KCNU1: variants seen among roughly 807,000 people sequenced by gnomAD.
KCNU1 encodes the protein potassium channel subfamily U member 1.
In KCNU1, 93 loss-of-function variants were observed where a neutral mutation model predicts 126.8. That is an observed-to-expected ratio of 0.73 (90% CI 0.62 to 0.87). The LOEUF (loss-of-function observed/expected upper bound fraction) is 0.87. Ranked by LOEUF, KCNU1 falls within the 40% of genes least tolerant of loss-of-function variation. The pLI, the probability that KCNU1 is intolerant of heterozygous loss-of-function variation, is 0.00. For missense variants in KCNU1, 1,330 were observed against 1,367.1 expected, an observed-to-expected ratio of 0.97 and a Z score of 0.43; for synonymous variants, 523 against 494.2, an observed-to-expected ratio of 1.06 and a Z score of -0.77.
At chr8:36,847,423 G>A (rs374984190) in intron 18 of KCNU1, among the ~76,000 whole-genome samples, 1 of 152,182 alleles carries the variant, frequency 6.6e-6, no homozygotes, top group Non-Finnish European at 1.5e-5. Flanking sequence ...TATATTTAAC[G>A]ATGAAGGACA....
At chr8:36,805,368 A>G (rs1803459798) in intron 4 of KCNU1, 83 bp downstream of exon 4, 1 of 827,134 alleles carries the variant, frequency 1.2e-6, no homozygotes. Context: ...TCAGTCCTAC[A>G]ATCTGCCCGA....
intron 19 of KCNU1, among the ~76,000 whole-genome samples, chr8:36,894,406 T>G (rs1159665154): frequency 1.3e-5 from 2 of 152,152 alleles, no homozygotes; most frequent in African/African-American, 4.8e-5. Context: ...AGTCATTTAC[T>G]AATGGTGAAT....
At chr8:36,807,860 C>T (rs1021243242) in intron 6 of KCNU1, among the ~76,000 whole-genome samples, 1 of 151,986 alleles carries the variant, frequency 6.6e-6, no homozygotes, top group Non-Finnish European at 1.5e-5. Context: ...TAAGACAATT[C>T]CTCGAAGCAT....
chr8:36,799,328 C>CTG (rs1021526585), intron 2 of KCNU1, among the ~76,000 whole-genome samples: 2 of 151,540 alleles, frequency 1.3e-5, no homozygotes, highest in Non-Finnish European at 1.5e-5. Context: ...CATGATATGG[C>CTG]TGTGTGTGTG....
chr8:36,893,385 T>G, intron 19 of KCNU1, among the ~76,000 whole-genome samples: 1 of 151,978 alleles, frequency 6.6e-6, no homozygotes. Context: ...TTAAAAAAAT[T>G]ACTGCTGATT....
chr8:36,851,884 A>C (rs1805362509), intron 18 of KCNU1, among the ~76,000 whole-genome samples: 1 of 152,050 alleles, frequency 6.6e-6, no homozygotes, highest in South Asian at 2.1e-4. Context: ...TTCTTGCCTA[A>C]TTATTGTGGC....
Position 36,918,879 on chromosome 8 carries a change from C to G in KCNU1, c.2578C>G (p.Pro860Ala), listed in dbSNP as rs753553633. ...HNEKSNCRKV[P>A]ILTELKNPSN... The stretch of plus-strand genomic sequence containing the variant: ...TGAGAAATCAAACTGCCGAAAAGTC[C>G]CTATCCTTACTGAACTGAGTAAGTG... The change falls in exon 23 of 27, where the codon CCT becomes GCT. Residue 860 changes from proline to alanine, a missense_variant. Pro to Ala is a conservative substitution (Grantham distance 27). Coordinates refer to ENST00000399881, the MANE Select transcript of KCNU1 (RefSeq NM_001031836.3). 6.2e-7 allele frequency: 1 copy of G among 1,605,220 alleles called. No homozygotes were observed. The highest frequency in any genetic ancestry group is 2.2e-5 in the East Asian group (1 of 44,814).
At chr8:36,800,767 G>T (rs771011959) in intron 2 of KCNU1, among the ~76,000 whole-genome samples, 7 of 152,242 alleles carry the variant, frequency 4.6e-5, no homozygotes, top group Non-Finnish European at 1.0e-4. Context: ...CCTGGCATCA[G>T]AAAGTAGTCA....
chr8:36,820,621 A>G (rs1472125932), intron 10 of KCNU1, among the ~76,000 whole-genome samples: 1 of 152,152 alleles, frequency 6.6e-6, no homozygotes, highest in Non-Finnish European at 1.5e-5. Flanking sequence ...TCAGAAAAAA[A>G]AAAAAAGAAA....
intron 22 of KCNU1, among the ~76,000 whole-genome samples, chr8:36,914,667 T>C (rs889301172): frequency 2.0e-5 from 3 of 152,132 alleles, no homozygotes; most frequent in Admixed American, 6.5e-5. Flanking sequence ...CTCCTGGACA[T>C]CTCCATGGGA....
At chr8:36,875,874 C>T (rs1375368565) in intron 19 of KCNU1, among the ~76,000 whole-genome samples, 3 of 151,990 alleles carry the variant, frequency 2.0e-5, no homozygotes, top group Admixed American at 6.6e-5. Flanking sequence ...TCTAAAAATC[C>T]CTGGTTTCAG....
rs151208454 is a variant in KCNU1 at position 36,830,272 on chromosome 8, A to G, written c.1107-3282A>G. Reference sequence around the variant, plus strand: ...ATAACGTTGAAAAAGAGCAGTGATGATATCTTTTCTTTACTTCTCATTTTT... The same window carrying G: ...ATAACGTTGAAAAAGAGCAGTGATGGTATCTTTTCTTTACTTCTCATTTTT... On this transcript the variant is annotated intron_variant, in intron 10 of 26. Coordinates refer to ENST00000399881, the MANE Select transcript of KCNU1 (RefSeq NM_001031836.3). Among the ~76,000 whole-genome samples, 343 of 151,778 alleles carry G rather than the reference A, an allele frequency of 2.3e-3. 11 individuals are homozygous for G. Among genetic ancestry groups the G allele is most frequent in the African/African-American group, 7.9e-3 (328 of 41,522 alleles).
chr8:36,801,431 C>CT (rs113197105), intron 2 of KCNU1, among the ~76,000 whole-genome samples: 11 of 148,646 alleles, frequency 7.4e-5, no homozygotes, highest in South Asian at 2.1e-4. Context: ...TTGTTTCTAT[C>CT]TTTTTTTTTT....
chr8:36,805,914 G>T (rs1206926626), intron 4 of KCNU1, among the ~76,000 whole-genome samples: 3 of 151,988 alleles, frequency 2.0e-5, no homozygotes, highest in Non-Finnish European at 4.4e-5. Flanking sequence ...AGCGTTCTTG[G>T]CTCACTGCAA....
At chr8:36,817,562 A>C (rs1803964589) in intron 9 of KCNU1, 88 bp from the exon 10 acceptor site, 3 of 641,502 alleles carry the variant, frequency 4.7e-6, no homozygotes, top group Admixed American at 4.7e-5. Context: ...TTGGAAACTA[A>C]GTTTAAGCCA....
chr8:36,791,864 C>A (rs1443755864), intron 2 of KCNU1, among the ~76,000 whole-genome samples: 1 of 152,068 alleles, frequency 6.6e-6, no homozygotes, highest in Non-Finnish European at 1.5e-5. Context: ...TTGAGATGAG[C>A]TGTATCTTTG....
At chr8:36,787,452 C>G in intron 2 of KCNU1, 27 bp downstream of exon 2, 2 of 1,582,812 alleles carry the variant, frequency 1.3e-6, no homozygotes, top group Non-Finnish European at 1.7e-6. Context: ...TGTTAGCTTG[C>G]TAACAAACTT....
Position 36,806,311 on chromosome 8 carries a change from A to C in KCNU1, c.511A>C (p.Asn171His), listed in dbSNP as rs1438632061. The C allele has an allele frequency of 5.0e-6, 8 of 1,611,810 alleles. No individual in the cohort carries two copies. Among genetic ancestry groups the C allele is most frequent in the Non-Finnish European group, 6.8e-6 (8 of 1,178,920 alleles). The change falls in exon 5 of 27, where the codon AAT (asparagine) becomes CAT (histidine). Residue 171 changes from asparagine (N) to histidine (H), a missense_variant. Coordinates refer to ENST00000399881, the MANE Select transcript of KCNU1 (RefSeq NM_001031836.3). ...DDKIKFWLEM[N>H]SIVDIFTIPP... ...CAAGATCAAGTTCTGGCTGGAGATG[A>C]ATTCAATCGTAGACATCTTTACCAT...
chr8:36,817,254 T>C (rs912646133), intron 9 of KCNU1, among the ~76,000 whole-genome samples: 71 of 151,664 alleles, frequency 4.7e-4, no homozygotes, highest in African/African-American at 1.6e-3. Context: ...AATCCCAGCA[T>C]TTTGGGAGGC....
Sources: allele counts gnomAD v4.1 joint callset (sites outside exome capture counted in the v4.1 genomes callset), GRCh38; gene constraint gnomAD v4.1.1; transcripts MANE v1.5; gene names NCBI Gene and HGNC (gene_info 2026-07-23, HGNC 2026-07-21).